CNTNAP2: variants seen among roughly 807,000 people sequenced by gnomAD.
CNTNAP2 encodes the protein contactin associated protein 2.
CNTNAP2 carries 98 observed loss-of-function variants against 155.2 expected under a neutral mutation model. That is an observed-to-expected ratio of 0.63 (90% CI 0.54 to 0.75). CNTNAP2 has a LOEUF of 0.75. Among genes scored for constraint, CNTNAP2 ranks in the 30% least tolerant of loss-of-function variants. CNTNAP2 has a pLI of 0.00. For synonymous variants in CNTNAP2, 651 were observed against 631.2 expected (o/e 1.03, Z -0.47); for missense variants, 1,727 against 1,688.1 (o/e 1.02, Z -0.40).
rs1053011793 is a variant in CNTNAP2, at chr7:147,716,929, G to A, written c.2098+77623G>A. The stretch of plus-strand genomic sequence containing the variant: ...CACAGCAAAACTAACCCGGTGCTCA[G>A]CTTGAGGTGAACTTTACATTGATAC... On this transcript the variant is annotated intron_variant, in intron 13 of 23. Coordinates refer to ENST00000361727, the MANE Select transcript of CNTNAP2 (RefSeq NM_014141.6). Among the ~76,000 whole-genome samples the A allele has an allele frequency of 6.8e-4, 104 of 152,240 alleles. 1 individual carries two copies. The highest frequency in any genetic ancestry group is 2.4e-3 in the African/African-American group (101 of 41,558).
intron 13 of CNTNAP2, among the ~76,000 whole-genome samples, chr7:147,749,531 A>T (rs1182785260): frequency 1.3e-5 from 2 of 152,164 alleles, no homozygotes; most frequent in African/African-American, 4.8e-5. Flanking sequence ...TCTATCCATA[A>T]TATTACTATT....
intron 1 of CNTNAP2, among the ~76,000 whole-genome samples, chr7:146,642,942 C>T (rs905123162): frequency 2.0e-5 from 3 of 151,212 alleles, no homozygotes; most frequent in African/African-American, 7.3e-5. Context: ...TGTTTTTTGG[C>T]TGCATAAATG....
chr7:147,994,142 GGA>G (rs1801762674), intron 15 of CNTNAP2, among the ~76,000 whole-genome samples: 1 of 152,068 alleles, frequency 6.6e-6, no homozygotes, highest in African/African-American at 2.4e-5. Context: ...GGCCGAGGTG[GGA>G]GGATTGCTTG....
chr7:146,435,936 T>C (rs527922928), intron 1 of CNTNAP2, among the ~76,000 whole-genome samples: 67 of 152,266 alleles, frequency 4.4e-4, no homozygotes, highest in African/African-American at 1.6e-3. Context: ...ACTTGGTAAA[T>C]GATATGCCAA....
intron 1 of CNTNAP2, among the ~76,000 whole-genome samples, chr7:146,400,828 A>G (rs1466722845): frequency 6.6e-6 from 1 of 152,214 alleles, no homozygotes. Context: ...ACCTTTGGGC[A>G]CAGGCATCTG....
chr7:146,664,807 A>AT (rs1383420461), intron 1 of CNTNAP2, among the ~76,000 whole-genome samples: 6 of 152,100 alleles, frequency 3.9e-5, no homozygotes, highest in East Asian at 1.9e-4. Context: ...CCAATAATTT[A>AT]TTTTTTTAAA....
chr7:148,374,751 G>A (rs1798952778), intron 21 of CNTNAP2, among the ~76,000 whole-genome samples: 1 of 152,174 alleles, frequency 6.6e-6, no homozygotes, highest in Non-Finnish European at 1.5e-5. Flanking sequence ...TAAGAAGCAG[G>A]TCTGTTCATT....
intron 9 of CNTNAP2, among the ~76,000 whole-genome samples, chr7:147,350,847 A>G (rs1173163079): frequency 6.6e-6 from 1 of 151,880 alleles, no homozygotes; most frequent in South Asian, 2.1e-4. Context: ...TAAAGTACCT[A>G]AAAAAATTTA....
intron 14 of CNTNAP2, among the ~76,000 whole-genome samples, chr7:147,957,449 A>G (rs1801036411): frequency 6.6e-6 from 1 of 152,194 alleles, no homozygotes; most frequent in Non-Finnish European, 1.5e-5. Context: ...AATTAAAGGC[A>G]GTGGTCAGAA....
chr7:147,954,951 C>A (rs1163300231), intron 14 of CNTNAP2, among the ~76,000 whole-genome samples: 1 of 152,222 alleles, frequency 6.6e-6, no homozygotes, highest in Non-Finnish European at 1.5e-5. Context: ...TATCCAGTCT[C>A]CAACGTTTCT....
chr7:146,164,983 A>G (rs1303549119), intron 1 of CNTNAP2, among the ~76,000 whole-genome samples: 1 of 152,190 alleles, frequency 6.6e-6, no homozygotes, highest in African/African-American at 2.4e-5. Flanking sequence ...AGTAATCTAC[A>G]AAATAGTATT....
chr7:146,904,219 T>C (rs1033732499), intron 3 of CNTNAP2, among the ~76,000 whole-genome samples: 6 of 152,068 alleles, frequency 3.9e-5, no homozygotes, highest in African/African-American at 1.4e-4. Flanking sequence ...TACTCTAGCA[T>C]AGCAAGCACA....
chr7:147,334,046 A>G (rs1358426957), intron 9 of CNTNAP2, among the ~76,000 whole-genome samples: 1 of 151,900 alleles, frequency 6.6e-6, no homozygotes, highest in Non-Finnish European at 1.5e-5. Context: ...AATTCCTTGA[A>G]CTCAGTTTCC....
intron 1 of CNTNAP2, among the ~76,000 whole-genome samples, chr7:146,215,210 A>C (rs1215025316): frequency 6.6e-6 from 1 of 152,202 alleles, no homozygotes; most frequent in African/African-American, 2.4e-5. Context: ...CATAACTCTC[A>C]AATAATCCAA....
intron 1 of CNTNAP2, among the ~76,000 whole-genome samples, chr7:146,266,468 G>T (rs1306306060): frequency 6.6e-6 from 1 of 152,114 alleles, no homozygotes; most frequent in Non-Finnish European, 1.5e-5. Flanking sequence ...AGTAGATAAG[G>T]CATGGTTTGG....
chr7:148,383,056 G>C (rs866837463), intron 21 of CNTNAP2, among the ~76,000 whole-genome samples: 7 of 152,182 alleles, frequency 4.6e-5, no homozygotes, highest in Non-Finnish European at 1.0e-4. Context: ...TGATTGATTG[G>C]GTTGGGAAAG....
intron 1 of CNTNAP2, among the ~76,000 whole-genome samples, chr7:146,491,172 C>T (rs1366233368): frequency 6.6e-6 from 1 of 151,894 alleles, no homozygotes; most frequent in Admixed American, 6.6e-5. Context: ...ATAAAGTTTC[C>T]ATGTACAACT....
chr7:147,481,713 A>G (rs1248626729), intron 10 of CNTNAP2, among the ~76,000 whole-genome samples: 1 of 152,154 alleles, frequency 6.6e-6, no homozygotes, highest in East Asian at 1.9e-4. Flanking sequence ...TGGATGCATC[A>G]CTTCTTCTGG....
Position 147,654,808 on chromosome 7 carries a change from C to CTTTTTTTTTTT in CNTNAP2, c.2098+15515_2098+15525dup, listed in dbSNP as rs1186575442. ...AGCTATAGCCTAGCAAAATATATTT[C>CTTTTTTTTTTT]TTTTTTTTTTTTTTTTTTTTTTTGA... is the stretch of plus-strand genomic sequence containing the variant. On this transcript the variant is annotated intron_variant, in intron 13 of 23. Coordinates refer to ENST00000361727, the MANE Select transcript of CNTNAP2 (RefSeq NM_014141.6). 2.2e-4 allele frequency among the ~76,000 whole-genome samples: 21 copies of CTTTTTTTTTTT among 97,310 alleles called. 1 individual carries two copies. Among genetic ancestry groups the CTTTTTTTTTTT allele is most frequent in the Admixed American group, 5.7e-4 (4 of 7,064 alleles). The allele number at this position is 97,310 out of a possible 152,430, so 63.8% of individuals were successfully genotyped here. A position where few individuals can be genotyped will look rare whatever the true frequency, so the allele number is the denominator to read the frequency against.
Sources: gnomAD v4.1 joint callset for allele counts (sites outside exome capture counted in the v4.1 genomes callset) on GRCh38, gnomAD v4.1.1 for gene constraint, MANE v1.5 for transcripts, NCBI Gene and HGNC (gene_info 2026-07-23, HGNC 2026-07-21) for gene names.